The following ABLIM1 variants were observed in gnomAD, a reference collection of about 807,000 sequenced individuals.
The protein encoded by ABLIM1 is actin-binding LIM protein 1.
In ABLIM1, 40 loss-of-function variants were observed where a neutral mutation model predicts 107.0. The observed-to-expected ratio is 0.37, with a 90% CI of 0.29 to 0.49. The LOEUF (loss-of-function observed/expected upper bound fraction) is 0.49, where lower values mean the gene tolerates loss of function less well. Ranked by LOEUF, ABLIM1 falls within the 20% of genes least tolerant of loss-of-function variation. The pLI, the probability that ABLIM1 is intolerant of heterozygous loss-of-function variation, is 0.97. For missense variants in ABLIM1, 857 were observed against 1,008.5 expected, an observed-to-expected ratio of 0.85 and a Z score of 2.04; for synonymous variants, 357 against 357.3, an observed-to-expected ratio of 1.00 and a Z score of 0.01.
chr10:114,580,623 T>C (rs1461068607), intron 2 of ABLIM1, among the ~76,000 whole-genome samples: 2 of 152,256 alleles, frequency 1.3e-5, no homozygotes, highest in Non-Finnish European at 2.9e-5. Context: ...ATAAGAGTCC[T>C]ATACTTTTTG....
At chr10:114,716,842 TA>T (rs34567416) in intron 1 of ABLIM1, among the ~76,000 whole-genome samples, 71,212 of 134,398 alleles carry the variant, frequency 0.53, 18,144 homozygotes, top group South Asian at 0.57. Flanking sequence ...CTGGAACTGT[TA>T]AAAAAAAAAA....
At chr10:114,623,146 C>A (rs1313071981) in intron 1 of ABLIM1, among the ~76,000 whole-genome samples, 1 of 152,124 alleles carries the variant, frequency 6.6e-6, no homozygotes, top group East Asian at 1.9e-4. Flanking sequence ...TGTTAATGAA[C>A]TTTTACCCAA....
At chr10:114,599,483 T>C (rs1364137701) in intron 2 of ABLIM1, among the ~76,000 whole-genome samples, 3 of 152,064 alleles carry the variant, frequency 2.0e-5, no homozygotes, top group African/African-American at 7.2e-5. Flanking sequence ...ATATAAAATA[T>C]ATAGAGAGCT....
At chr10:114,655,447 C>A (rs2141157433) in intron 1 of ABLIM1, among the ~76,000 whole-genome samples, 1 of 152,334 alleles carries the variant, frequency 6.6e-6, no homozygotes, top group South Asian at 2.1e-4. Flanking sequence ...TTATCTCTTT[C>A]AAGAGCAACA....
chr10:114,721,974 G>C (rs1303586866), intron 1 of ABLIM1, among the ~76,000 whole-genome samples: 1 of 152,124 alleles, frequency 6.6e-6, no homozygotes, highest in African/African-American at 2.4e-5. Flanking sequence ...TAAAATGTGT[G>C]CATGTATGTG....
the ABLIM1 span, among the ~76,000 whole-genome samples, chr10:114,794,805 T>C: frequency 6.6e-6 from 1 of 152,130 alleles, no homozygotes; most frequent in South Asian, 2.1e-4. Context: ...GGAGTACAAG[T>C]AAAACCAGGG....
In ABLIM1 at chr10:114,468,040, T is replaced by C. The variant is rs537386172; in HGVS notation, c.1311+141A>G. 28 of 716,952 alleles carry C rather than the reference T, an allele frequency of 3.9e-5. 1 individual carries two copies. The highest frequency in any genetic ancestry group is 7.5e-5 in the Admixed American group (3 of 40,036). 44.4% of individuals were successfully genotyped at this position (716,952 alleles called of 1,614,324 possible). ...AGAGTCTCCTCTTTCACGGAGGTAATCCCCAAAGCCACCATAACCCCACAT... is the reference window on the plus strand; with the variant it reads ...AGAGTCTCCTCTTTCACGGAGGTAACCCCCAAAGCCACCATAACCCCACAT... On this transcript the variant is annotated intron_variant, in intron 11 of 22. Transcript: ENST00000533213.
At chr10:114,756,395 T>C (rs72831099) in intron 1 of ABLIM1, among the ~76,000 whole-genome samples, 5,014 of 152,282 alleles carry the variant, frequency 0.033, 121 homozygotes, top group Non-Finnish European at 0.048. Context: ...TTCATATATT[T>C]CATTTTGCAA....
intron 2 of ABLIM1, among the ~76,000 whole-genome samples, chr10:114,589,218 T>TG (rs201039409): frequency 0.012 from 1,579 of 132,618 alleles, 17 homozygotes; most frequent in African/African-American, 0.041. Context: ...TGTGTGTGTG[T>TG]TTTTTTTTTT....
intron 1 of ABLIM1, among the ~76,000 whole-genome samples, chr10:114,637,016 G>A (rs1365378488): frequency 7.2e-6 from 1 of 138,576 alleles, no homozygotes; most frequent in Non-Finnish European, 1.5e-5. Flanking sequence ...CGGGGCAACA[G>A]AGTGAGACGC....
At chr10:114,471,911 GA>G (rs1370109114) in intron 10 of ABLIM1, among the ~76,000 whole-genome samples, 1 of 151,978 alleles carries the variant, frequency 6.6e-6, no homozygotes, top group Non-Finnish European at 1.5e-5. Flanking sequence ...AAATAAAAGA[GA>G]AAAAAATGAG....
chr10:114,725,900 C>G (rs1388164305), intron 1 of ABLIM1, among the ~76,000 whole-genome samples: 1 of 151,788 alleles, frequency 6.6e-6, no homozygotes, highest in Non-Finnish European at 1.5e-5. Context: ...TGCACACCAC[C>G]ATGCACAGCT....
intron 10 of ABLIM1, among the ~76,000 whole-genome samples, chr10:114,469,976 C>G (rs1181105242): frequency 6.6e-6 from 1 of 152,200 alleles, no homozygotes; most frequent in Non-Finnish European, 1.5e-5. Flanking sequence ...AGGGTCTCCT[C>G]TGCAGCTACA....
chr10:114,681,441 C>T lies in ABLIM1; in HGVS notation c.64+2849G>A, dbSNP rs901386542. Among the ~76,000 whole-genome samples the T allele has an allele frequency of 4.5e-4, 68 of 152,108 alleles. 1 individual carries two copies. The highest frequency in any genetic ancestry group is 6.8e-4 in the Non-Finnish European group (46 of 68,030). On this transcript the variant is annotated intron_variant, in intron 1 of 23. Coordinates refer to the ABLIM1 transcript ENST00000369256. ...AACTTCTGACCTCAAGTGATCTGCCCGCCTCAGCCTCCCAAAGTGCTGGGA... is the reference window on the plus strand; with the variant it reads ...AACTTCTGACCTCAAGTGATCTGCCTGCCTCAGCCTCCCAAAGTGCTGGGA...
chr10:114,727,103 G>A (rs1196753917), intron 1 of ABLIM1, among the ~76,000 whole-genome samples: 2 of 152,156 alleles, frequency 1.3e-5, no homozygotes, highest in African/African-American at 4.8e-5. Context: ...ATGCACCAAA[G>A]TATAAACAAA....
rs369895331 is a variant in ABLIM1 at position 114,432,055 on chromosome 10, C to T, written c.*4205G>A. 4.6e-5 allele frequency: 7 copies of T among 152,298 alleles called. No homozygotes were observed. The highest frequency in any genetic ancestry group is 5.9e-5 in the Non-Finnish European group (4 of 68,028). 9.4% of individuals were successfully genotyped at this position (152,298 alleles called of 1,614,324 possible). ...ATAGTTGGGTAGTTCCCTTAAAGTA[C>T]ATCATTGCTATAAGTTGGTATCACT... On this transcript the variant is annotated 3_prime_UTR_variant, in exon 23 of 23. Transcript: ENST00000533213.
At chr10:114,727,694 G>T (rs538353381) in intron 1 of ABLIM1, among the ~76,000 whole-genome samples, 1 of 152,142 alleles carries the variant, frequency 6.6e-6, no homozygotes, top group South Asian at 2.1e-4. Context: ...GATGGCCCAC[G>T]CCTGTAATCC....
At chr10:114,511,374 A>AT (rs947685771) in intron 6 of ABLIM1, among the ~76,000 whole-genome samples, 2 of 151,210 alleles carry the variant, frequency 1.3e-5, no homozygotes, top group South Asian at 2.1e-4. Context: ...CTTTAAAAAA[A>AT]TTTTTTTTTG....
At chr10:114,446,680 C>T (rs556473063) in intron 15 of ABLIM1, among the ~76,000 whole-genome samples, 1 of 152,280 alleles carries the variant, frequency 6.6e-6, no homozygotes, top group South Asian at 2.1e-4. Context: ...ACTTAATTCT[C>T]CCTCTTTCCA....
Sources: gnomAD v4.1 joint callset for allele counts (sites outside exome capture counted in the v4.1 genomes callset) on GRCh38, gnomAD v4.1.1 for gene constraint, MANE v1.5 for transcripts, NCBI Gene and HGNC (gene_info 2026-07-23, HGNC 2026-07-21) for gene names.